Variants in PFKFB1 observed in about 807,000 individuals in gnomAD.
The protein encoded by PFKFB1 is 6-phosphofructo-2-kinase/fructose-2,6-bisphosphatase 1.
A neutral mutation model predicts 46.4 loss-of-function variants in PFKFB1; 34 were observed. That is an observed-to-expected ratio of 0.73 (90% CI 0.56 to 0.98). The LOEUF is 0.98. Ranked by LOEUF, PFKFB1 falls within the 50% of genes least tolerant of loss-of-function variation. The pLI is 0.00. For missense variants in PFKFB1, 393 were observed against 376.3 expected, an observed-to-expected ratio of 1.04 and a Z score of -0.37; for synonymous variants, 119 against 133.8, an observed-to-expected ratio of 0.89 and a Z score of 0.76.
intron 6 of PFKFB1, 43 bp from the exon 7 acceptor site, chrX:54,956,317 G>A (rs771130050): frequency 1.7e-6 from 2 of 1,201,725 alleles, no homozygotes; most frequent in African/African-American, 3.5e-5. Context: ...GACATTGGGA[G>A]ACAGATGGTT....
rs150511925 is a variant in PFKFB1 at position 54,964,167 on chromosome X, G to A, written c.98-785C>T. On this transcript the variant is annotated intron_variant, in intron 1 of 13. Coordinates refer to ENST00000375006, the MANE Select transcript of PFKFB1 (RefSeq NM_002625.4). ...AAAAAAAAAGTCCTAACCCAGGAGG[G>A]GCAGGAAAATGTGCTAAGCCCACTT... Among the ~76,000 whole-genome samples the A allele has an allele frequency of 8.2e-3, 901 of 110,452 alleles. 8 individuals are homozygous for A. Among genetic ancestry groups the A allele is most frequent in the Non-Finnish European group, 0.014 (737 of 52,701 alleles).
At chrX:54,995,265 G>A (rs147859822), upstream of PFKFB1, among the ~76,000 whole-genome samples, 33 of 111,936 alleles carry the variant, frequency 2.9e-4, no homozygotes, top group African/African-American at 9.4e-4. Context: ...CCAACGATTG[G>A]CTATGAAGAA....
chrX:54,982,058 C>A (rs1376652689), intron 1 of PFKFB1, among the ~76,000 whole-genome samples: 1 of 111,312 alleles, frequency 9.0e-6, no homozygotes, highest in African/African-American at 3.3e-5. Context: ...AAACCACAGC[C>A]TCTCACAAGT....
intron 8 of PFKFB1, 145 bp from the exon 9 acceptor site, chrX:54,949,366 T>C (rs1602186183): frequency 2.4e-6 from 1 of 417,909 alleles, no homozygotes; most frequent in East Asian, 4.0e-5. Context: ...TCCAAACTTA[T>C]AAAAAGCCAT....
chrX:54,961,132 A>G (rs752710685), intron 2 of PFKFB1, among the ~76,000 whole-genome samples: 1 of 111,644 alleles, frequency 9.0e-6, no homozygotes, highest in East Asian at 2.9e-4. Context: ...GAGGAAACTG[A>G]AAGTTCAGAG....
chrX:54,987,670 T>G (rs752214891), intron 1 of PFKFB1, among the ~76,000 whole-genome samples: 38 of 111,209 alleles, frequency 3.4e-4, no homozygotes, highest in Admixed American at 8.6e-4. Context: ...AAGCTTGATT[T>G]AACCTTTGAA....
At chrX:54,969,843 A>C (rs768545370) in intron 1 of PFKFB1, among the ~76,000 whole-genome samples, 24 of 112,000 alleles carry the variant, frequency 2.1e-4, no homozygotes, top group Non-Finnish European at 3.9e-4. Flanking sequence ...AGGAAGAAAT[A>C]AATCTGTCCC....
At chrX:54,971,671 G>A (rs1404394006) in intron 1 of PFKFB1, among the ~76,000 whole-genome samples, 1 of 111,538 alleles carries the variant, frequency 9.0e-6, no homozygotes, top group Non-Finnish European at 1.9e-5. Context: ...TATTTCTGAG[G>A]GCTCTGTTCT....
chrX:54,968,419 T>A (rs1262762926), intron 1 of PFKFB1, among the ~76,000 whole-genome samples: 1 of 108,531 alleles, frequency 9.2e-6, no homozygotes, highest in Non-Finnish European at 1.9e-5. Flanking sequence ...CATGTATACA[T>A]ATGTAACTAA....
chrX:54,950,499 G>A (rs1442057189), intron 8 of PFKFB1, among the ~76,000 whole-genome samples: 2 of 111,993 alleles, frequency 1.8e-5, no homozygotes, highest in African/African-American at 6.5e-5. Context: ...TTGTAAACTG[G>A]GCCTGGTGCT....
intron 1 of PFKFB1, among the ~76,000 whole-genome samples, chrX:54,976,747 T>C (rs1934849307): frequency 1.8e-5 from 2 of 111,682 alleles, no homozygotes; most frequent in South Asian, 7.4e-4. Flanking sequence ...CAAGATGCTC[T>C]TCAGTTGGTG....
intron 1 of PFKFB1, among the ~76,000 whole-genome samples, chrX:54,993,446 T>C (rs775356463): frequency 1.8e-5 from 2 of 111,269 alleles, no homozygotes; most frequent in African/African-American, 6.5e-5. Context: ...CATGGCACTG[T>C]TGTGTACCCA....
intron 10 of PFKFB1, among the ~76,000 whole-genome samples, chrX:54,941,725 A>G (rs1366082234): frequency 8.9e-6 from 1 of 111,778 alleles, no homozygotes; most frequent in Admixed American, 9.5e-5. Flanking sequence ...ATGGTGATCA[A>G]TATAAAATCA....
intron 2 of PFKFB1, among the ~76,000 whole-genome samples, 196 bp downstream of exon 2, chrX:54,963,061 G>A (rs1163166412): frequency 8.9e-6 from 1 of 112,263 alleles, no homozygotes; most frequent in Non-Finnish European, 1.9e-5. Flanking sequence ...ACCTAGAGTG[G>A]TGTTGGGCAC....
At chrX:54,975,075 C>A (rs1934800959) in intron 1 of PFKFB1, among the ~76,000 whole-genome samples, 1 of 111,474 alleles carries the variant, frequency 9.0e-6, no homozygotes, top group South Asian at 3.7e-4. Flanking sequence ...AGTAGAACTA[C>A]CATTTGATCC....
intron 3 of PFKFB1, 121 bp downstream of exon 3, chrX:54,960,703 T>C (rs780758304): frequency 3.5e-5 from 12 of 345,207 alleles, no homozygotes; most frequent in Admixed American, 3.0e-4. Context: ...TTCCAACTAC[T>C]GTTTGAGAGT....
At chrX:54,989,796 T>A (rs777622405) in intron 1 of PFKFB1, among the ~76,000 whole-genome samples, 1 of 112,052 alleles carries the variant, frequency 8.9e-6, no homozygotes, top group East Asian at 2.8e-4. Context: ...GTCCAAGGGC[T>A]GGCACCAAGT....
In PFKFB1 at chrX:54,988,836, A is replaced by G. The variant is rs540589392; in HGVS notation, c.97+5075T>C. Among the ~76,000 whole-genome samples, 17 of 112,180 alleles carry G rather than the reference A, an allele frequency of 1.5e-4. No individual in the cohort carries two copies. The South Asian group carries it at 6.2e-3, about 41-fold the overall frequency. On this transcript the variant is annotated intron_variant, in intron 1 of 13. Coordinates refer to ENST00000375006, the MANE Select transcript of PFKFB1 (RefSeq NM_002625.4). ...CATCTCACACCACATGCAAATATTA[A>G]CTCAGAATAAATTGAAAAACCTAAA... is the stretch of plus-strand genomic sequence containing the variant.
At chrX:54,974,515 G>T (rs772464650) in intron 1 of PFKFB1, among the ~76,000 whole-genome samples, 11 of 111,415 alleles carry the variant, frequency 9.9e-5, no homozygotes, top group Middle Eastern at 4.6e-3. Flanking sequence ...AGATAACATT[G>T]GGAAAACTCT....
Sources: gnomAD v4.1 joint callset for allele counts (sites outside exome capture counted in the v4.1 genomes callset) on GRCh38, gnomAD v4.1.1 for gene constraint, MANE v1.5 for transcripts, NCBI Gene and HGNC (gene_info 2026-07-23, HGNC 2026-07-21) for gene names.